TSPAN10: variants seen among roughly 807,000 people sequenced by gnomAD.
TSPAN10 encodes the protein tetraspanin-10.
A neutral mutation model predicts 15.0 loss-of-function variants in TSPAN10; 11 were observed. The ratio of observed to expected loss-of-function variants is 0.73; its 90% CI spans 0.46 to 1.21. TSPAN10 has a LOEUF of 1.21. Ranked by LOEUF, TSPAN10 falls within the 50% of genes most tolerant of loss-of-function variation. The pLI, the probability that TSPAN10 is intolerant of heterozygous loss-of-function variation, is 0.00. For missense variants in TSPAN10, 486 were observed against 470.6 expected (o/e 1.03, Z -0.30); for synonymous variants, 241 against 226.2 (o/e 1.07, Z -0.59).
upstream of TSPAN10, among the ~76,000 whole-genome samples, chr17:81,640,923 A>G (rs2036172259): frequency 6.6e-6 from 1 of 152,006 alleles, no homozygotes; most frequent in Non-Finnish European, 1.5e-5. Context: ...CTGTAATCCC[A>G]GCACTTTGGG....
At chr17:81,647,372 C>T (rs1598712534) in intron 2 of TSPAN10, 1 of 454,886 alleles carries the variant, frequency 2.2e-6, no homozygotes, top group South Asian at 1.6e-5. Context: ...CACCTGGGGA[C>T]TGCCTGACCT....
chr17:81,637,394 T>G (rs1229525075), exon 1 of TSPAN10: 5 of 700,414 alleles, frequency 7.1e-6, no homozygotes, highest in African/African-American at 1.7e-5. Context: ...TCCAAACTTC[T>G]CTCCATGCAC....
intron 2 of TSPAN10, among the ~76,000 whole-genome samples, chr17:81,646,930 G>A (rs1457656512): frequency 1.3e-5 from 2 of 151,650 alleles, no homozygotes; most frequent in South Asian, 2.1e-4. Flanking sequence ...CTGTAAAGAG[G>A]GTAGCTGTCT....
At chr17:81,647,794 G>C (rs893860412) in intron 2 of TSPAN10, 107 bp from the exon 4 acceptor site, 3 of 1,230,544 alleles carry the variant, frequency 2.4e-6, no homozygotes, top group Non-Finnish European at 1.1e-6. Flanking sequence ...GCATGTGCCT[G>C]TGTGGCCATG....
chr17:81,648,086 T>C, exon 3 of TSPAN10: 2 of 1,588,784 alleles, frequency 1.3e-6, no homozygotes, highest in Non-Finnish European at 1.7e-6. Context: ...CGGCGGTGGC[T>C]GCGCGCGAAC....
chr17:81,642,453 G>C lies in TSPAN10; in HGVS notation c.36+5G>C, dbSNP rs1408563455. 1 of 1,606,778 alleles carries C rather than the reference G, an allele frequency of 6.2e-7. No individual in the cohort carries two copies. Among genetic ancestry groups the C allele is most frequent in the Non-Finnish European group, 8.5e-7 (1 of 1,175,762 alleles). On this transcript the variant is annotated splice_donor_5th_base_variant and intron_variant, in intron 1 of 2. Transcript: ENST00000611590. ...AGGAGCCCCTTACTGTCCCAGGTGA[G>C]CCATGCCAAGTGGCCTTGCCCTGAG...
chr17:81,638,905 A>G (rs2036149046), upstream of TSPAN10: 1 of 152,180 alleles, frequency 6.6e-6, no homozygotes, highest in Non-Finnish European at 1.5e-5. Context: ...CCTAAACCAT[A>G]ATTTCTAATC....
chr17:81,637,260 T>G lies in TSPAN10; in HGVS notation c.-139T>G, dbSNP rs867206333. On this transcript the variant is annotated 5_prime_UTR_variant, in exon 1 of 4. Transcript: ENST00000574882. The stretch of plus-strand genomic sequence containing the variant: ...AAGTTGCGTCTGAGATTACTTCTGC[T>G]CGTCCTCGGAAACCCAAGCGGCACA... The G allele has an allele frequency of 6.6e-5, 35 of 529,000 alleles. No individual in the cohort carries two copies. The Middle Eastern group carries it at 1.6e-3, about 25-fold the overall frequency. 32.8% of individuals were successfully genotyped at this position (529,000 alleles called of 1,614,324 possible).
In TSPAN10 at chr17:81,645,647, C is replaced by G; in HGVS notation, c.674+18C>G. On this transcript the variant is annotated intron_variant, in intron 2 of 2. Transcript: ENST00000611590. ...CAGAACCTGTGAGTCTTGGAGTGGGCGAGGGACAGGGCCACCACAGGGTCG... is the reference window on the plus strand; with the variant it reads ...CAGAACCTGTGAGTCTTGGAGTGGGGGAGGGACAGGGCCACCACAGGGTCG... The G allele has an allele frequency of 6.2e-7, 1 of 1,609,960 alleles. No individual in the cohort carries two copies. The highest frequency in any genetic ancestry group is 8.5e-7 in the Non-Finnish European group (1 of 1,179,404).
chr17:81,645,687 C>A, intron 2 of TSPAN10, 58 bp downstream of exon 3: 1 of 1,590,526 alleles, frequency 6.3e-7, no homozygotes, highest in South Asian at 1.1e-5. Context: ...GGCCACACAC[C>A]CTTGTGCGTG....
chr17:81,640,892 G>A (rs1484866403), upstream of TSPAN10, among the ~76,000 whole-genome samples: 1 of 152,058 alleles, frequency 6.6e-6, no homozygotes, highest in Non-Finnish European at 1.5e-5. Flanking sequence ...CCAGACTTTG[G>A]CCGGGCGTGG....
upstream of TSPAN10, among the ~76,000 whole-genome samples, chr17:81,641,944 G>A (rs1284613127): frequency 6.6e-6 from 1 of 152,110 alleles, no homozygotes; most frequent in Non-Finnish European, 1.5e-5. Flanking sequence ...AACAAGCCGG[G>A]GGATAGATTG....
downstream of TSPAN10, chr17:81,648,514 G>A (rs1315191099): frequency 6.4e-5 from 23 of 359,758 alleles, no homozygotes; most frequent in Non-Finnish European, 1.1e-4. Context: ...ACTGGCGGGA[G>A]GAGCACGCGG....
intron 2 of TSPAN10, 191 bp from the exon 4 acceptor site, chr17:81,647,710 G>C (rs1396884399): frequency 1.2e-5 from 8 of 660,128 alleles, no homozygotes; most frequent in Admixed American, 2.4e-5. Context: ...ACAGGGATAC[G>C]TTATAGAGAG....
chr17:81,642,289 G>C, upstream of TSPAN10: 1 of 1,139,544 alleles, frequency 8.8e-7, no homozygotes, highest in Admixed American at 1.8e-5. Flanking sequence ...CCCATGCCCA[G>C]GGCTGCACTG....
intron 1 of TSPAN10, 63 bp downstream of exon 2, chr17:81,642,511 G>A (rs1263410551): frequency 6.5e-7 from 1 of 1,532,588 alleles, no homozygotes; most frequent in Non-Finnish European, 8.9e-7. Flanking sequence ...AAGTCCTAAG[G>A]GAAGTCCCTG....
intron 1 of TSPAN10, among the ~76,000 whole-genome samples, chr17:81,644,175 T>TA (rs1043271667): frequency 1.3e-5 from 2 of 151,958 alleles, no homozygotes; most frequent in African/African-American, 4.8e-5. Flanking sequence ...TTCTCCTTTT[T>TA]AAAAAAACTC....
At chr17:81,640,521 T>C (rs1483888508), upstream of TSPAN10, among the ~76,000 whole-genome samples, 1 of 152,156 alleles carries the variant, frequency 6.6e-6, no homozygotes, top group Non-Finnish European at 1.5e-5. Flanking sequence ...CCATCTCGGC[T>C]CACTGCAACC....
upstream of TSPAN10, among the ~76,000 whole-genome samples, chr17:81,641,511 C>T (rs570944466): frequency 8.5e-5 from 13 of 152,170 alleles, no homozygotes; most frequent in South Asian, 6.2e-4. Flanking sequence ...AAAACTTGCC[C>T]GGTGTGCTCC....
Sources: allele counts gnomAD v4.1 joint callset (sites outside exome capture counted in the v4.1 genomes callset), GRCh38; gene constraint gnomAD v4.1.1; transcripts MANE v1.5; gene names NCBI Gene and HGNC (gene_info 2026-07-23, HGNC 2026-07-21).